LRP1B: variants seen among roughly 807,000 people sequenced by gnomAD.
LRP1B encodes low-density lipoprotein receptor-related protein 1B.
Under a neutral mutation model 556.6 loss-of-function variants are expected in LRP1B, and 217 were observed. The observed-to-expected ratio is 0.39, with a 90% CI of 0.35 to 0.44. LRP1B has a LOEUF of 0.44. Among genes scored for constraint, LRP1B ranks in the 20% least tolerant of loss-of-function variants. The probability of loss-of-function intolerance (pLI) is 1.00; values close to 1 mark genes in which losing one functional copy is unlikely to be tolerated. For synonymous variants in LRP1B, 2,047 were observed against 1,865.8 expected (o/e 1.10, Z -2.50); for missense variants, 5,053 against 5,620.8 (o/e 0.90, Z 3.23).
chr2:141,194,939 G>A (rs976002550), intron 6 of LRP1B, among the ~76,000 whole-genome samples: 5 of 152,152 alleles, frequency 3.3e-5, no homozygotes, highest in African/African-American at 1.2e-4. Context: ...GCATGTACTA[G>A]AGAATATTTT....
At chr2:141,966,022 C>T (rs903522739) in intron 1 of LRP1B, among the ~76,000 whole-genome samples, 1 of 151,696 alleles carries the variant, frequency 6.6e-6, no homozygotes, top group African/African-American at 2.4e-5. Context: ...GGTTTTAAAT[C>T]AACACGCATC....
chr2:140,468,431 G>A (rs1687635114), intron 60 of LRP1B, among the ~76,000 whole-genome samples: 1 of 152,124 alleles, frequency 6.6e-6, no homozygotes, highest in Admixed American at 6.5e-5. Context: ...TTAGGGCAAT[G>A]CATAATGGAG....
chr2:141,299,497 T>A (rs1475769249), intron 3 of LRP1B, among the ~76,000 whole-genome samples: 1 of 152,240 alleles, frequency 6.6e-6, no homozygotes, highest in African/African-American at 2.4e-5. Context: ...TACATAGCTT[T>A]GTATTATAAT....
chr2:140,980,359 G>A lies in LRP1B; in HGVS notation c.2887+1801C>T, dbSNP rs925087331. On this transcript the variant is annotated intron_variant, in intron 18 of 90. Transcript: ENST00000389484. The stretch of plus-strand genomic sequence containing the variant: ...AAGCAGCAGACACAGCCAGATATAG[G>A]ACCACACAATTAGTCTGGATAGTGG... 9.9e-5 allele frequency among the ~76,000 whole-genome samples: 15 copies of A among 151,964 alleles called. 1 individual carries two copies. Among genetic ancestry groups the A allele is most frequent in the Non-Finnish European group, 7.4e-5 (5 of 67,988 alleles).
At chr2:141,965,864 A>T (rs941463283) in intron 1 of LRP1B, among the ~76,000 whole-genome samples, 14 of 151,060 alleles carry the variant, frequency 9.3e-5, no homozygotes, top group African/African-American at 3.4e-4. Flanking sequence ...AACTCTCAGA[A>T]AATATTATTC....
At position 140,312,102 on chromosome 2, in the gene LRP1B, T is replaced by A. The variant is rs569067599; in HGVS notation, c.12805+2833A>T. The stretch of plus-strand genomic sequence containing the variant: ...ATCCTTCACTGCCAAAGTCCTCAGA[T>A]GTGGTGGCAGAGAGAGCTACAATGA... On this transcript the variant is annotated intron_variant, in intron 83 of 90. Transcript: ENST00000389484. Among the ~76,000 whole-genome samples the A allele has an allele frequency of 8.6e-5, 13 of 152,004 alleles. No individual in the cohort carries two copies. In the South Asian group the frequency reaches 2.1e-3, roughly 24 times the overall value.
chr2:141,194,977 A>G (rs1477605646), intron 6 of LRP1B, among the ~76,000 whole-genome samples: 1 of 152,112 alleles, frequency 6.6e-6, no homozygotes, highest in East Asian at 1.9e-4. Flanking sequence ...TTAATAAGAT[A>G]TACAGTAGTT....
chr2:141,186,483 T>C (rs916102949), intron 7 of LRP1B, among the ~76,000 whole-genome samples: 1 of 152,000 alleles, frequency 6.6e-6, no homozygotes, highest in Non-Finnish European at 1.5e-5. Context: ...AAAAATAGAA[T>C]GTATTTTAAA....
In LRP1B at chr2:140,371,321, T is replaced by TA. The variant is rs1488221298; in HGVS notation, c.10769-37dup. The TA allele has an allele frequency of 2.6e-6, 3 of 1,158,572 alleles. No homozygotes were observed. The African/African-American group carries it at 4.7e-5, about 18-fold the overall frequency. The allele number at this position is 1,158,572 out of a possible 1,614,324, so 71.8% of individuals were successfully genotyped here. Reference sequence around the variant, plus strand: ...TTATAAATTTGAAATTGAGATAGAGTAAAAATAACAGGTTTTAGAAATAAA... The same window carrying TA: ...TTATAAATTTGAAATTGAGATAGAGTAAAAAATAACAGGTTTTAGAAATAAA... On this transcript the variant is annotated intron_variant, in intron 69 of 90. Transcript: ENST00000389484.
At chr2:141,022,015 T>C (rs954010996) in intron 11 of LRP1B, among the ~76,000 whole-genome samples, 44 of 152,052 alleles carry the variant, frequency 2.9e-4, no homozygotes, top group African/African-American at 1.0e-3. Flanking sequence ...GATTGTATCT[T>C]TTGTTTTTCA....
At chr2:141,725,962 A>G (rs576165082) in intron 2 of LRP1B, among the ~76,000 whole-genome samples, 8 of 151,974 alleles carry the variant, frequency 5.3e-5, no homozygotes, top group East Asian at 1.9e-4. Flanking sequence ...TTGTATGTCA[A>G]TTGGCTGGCA....
chr2:140,391,682 A>G (rs1309096368), intron 66 of LRP1B, among the ~76,000 whole-genome samples: 1 of 152,290 alleles, frequency 6.6e-6, no homozygotes, highest in South Asian at 2.1e-4. Context: ...AAAACAAAAC[A>G]AAAACAAACT....
chr2:141,469,013 A>C lies in LRP1B; in HGVS notation c.343+11383T>G, dbSNP rs567952721. ...GACCGGTTCTACAATCCCTTGTGGC[A>C]TAAAGAGATCAATCATTTGGTTTCA... On this transcript the variant is annotated intron_variant, in intron 3 of 90. Transcript: ENST00000389484. 4.7e-5 allele frequency among the ~76,000 whole-genome samples: 7 copies of C among 149,462 alleles called. No individual in the cohort carries two copies. The East Asian group carries it at 1.4e-3, about 29-fold the overall frequency.
intron 2 of LRP1B, among the ~76,000 whole-genome samples, chr2:141,684,429 G>A (rs1265301734): frequency 1.3e-5 from 2 of 151,908 alleles, no homozygotes; most frequent in Non-Finnish European, 2.9e-5. Context: ...CAGGGATGGG[G>A]AACATCACAA....
intron 2 of LRP1B, among the ~76,000 whole-genome samples, chr2:141,666,579 A>C (rs879259587): frequency 2.0e-5 from 3 of 152,158 alleles, no homozygotes; most frequent in Non-Finnish European, 4.4e-5. Flanking sequence ...AAAGTCTTTC[A>C]TCTTGCCTAT....
intron 32 of LRP1B, among the ~76,000 whole-genome samples, chr2:140,803,256 G>T (rs2105012790): frequency 1.7e-5 from 2 of 118,780 alleles, no homozygotes; most frequent in African/African-American, 3.4e-5. Context: ...TAGTCCTATT[G>T]AAAGTTTTTT....
chr2:141,957,977 T>TA (rs1367819866), intron 1 of LRP1B, among the ~76,000 whole-genome samples: 4 of 152,068 alleles, frequency 2.6e-5, no homozygotes, highest in African/African-American at 9.7e-5. Flanking sequence ...CATAGAGTGT[T>TA]AGATTCTCTG....
intron 1 of LRP1B, among the ~76,000 whole-genome samples, chr2:141,819,460 A>C (rs1696682916): frequency 6.6e-6 from 1 of 152,208 alleles, no homozygotes. Flanking sequence ...GCTACAGGAC[A>C]CTATGTTACT....
intron 7 of LRP1B, among the ~76,000 whole-genome samples, chr2:141,067,969 A>AAGTCC (rs2105477546): frequency 6.6e-6 from 1 of 152,106 alleles, no homozygotes; most frequent in Admixed American, 6.6e-5. Flanking sequence ...AGGCCCCAGG[A>AAGTCC]AGTCCATCTT....
Sources: gnomAD v4.1 joint callset for allele counts (sites outside exome capture counted in the v4.1 genomes callset) on GRCh38, gnomAD v4.1.1 for gene constraint, MANE v1.5 for transcripts, NCBI Gene and HGNC (gene_info 2026-07-23, HGNC 2026-07-21) for gene names.